The following PLXNA4 variants were observed in gnomAD, a reference collection of about 807,000 sequenced individuals.
PLXNA4 encodes plexin A4.
PLXNA4 carries 44 observed loss-of-function variants against 191.8 expected under a neutral mutation model. The observed-to-expected ratio is 0.23, with a 90% CI of 0.18 to 0.29. The LOEUF (loss-of-function observed/expected upper bound fraction) is 0.29, where lower values mean the gene tolerates loss of function less well. Ranked by LOEUF, PLXNA4 falls within the 10% of genes least tolerant of loss-of-function variation. The pLI is 1.00. For synonymous variants in PLXNA4, 1,082 were observed against 1,009.5 expected, an observed-to-expected ratio of 1.07 and a Z score of -1.36; for missense variants, 1,800 against 2,488.8, an observed-to-expected ratio of 0.72 and a Z score of 5.89.
chr7:132,165,054 C>CG, intron 23 of PLXNA4, 80 bp downstream of exon 23: 1 of 1,546,280 alleles, frequency 6.5e-7, no homozygotes, highest in African/African-American at 1.4e-5. Flanking sequence ...AGGGAGGACT[C>CG]GGGGGTGTGG....
At chr7:132,539,847 A>C (rs73158889) in intron 1 of PLXNA4, among the ~76,000 whole-genome samples, 16,131 of 152,216 alleles carry the variant, frequency 0.11, 1,166 homozygotes, top group Non-Finnish European at 0.14. Flanking sequence ...AGGCTTAGAG[A>C]GTTTTTGAAA....
chr7:132,233,099 A>T (rs1798578504), intron 5 of PLXNA4, among the ~76,000 whole-genome samples: 1 of 152,228 alleles, frequency 6.6e-6, no homozygotes. Context: ...ATTGAAAAAG[A>T]AAGGGGGTAA....
At chr7:132,341,455 A>G (rs1803025167) in intron 3 of PLXNA4, among the ~76,000 whole-genome samples, 1 of 152,250 alleles carries the variant, frequency 6.6e-6, no homozygotes, top group Non-Finnish European at 1.5e-5. Context: ...TTGCTAATAT[A>G]TAGTAAAATC....
At chr7:132,437,039 A>T (rs935582432) in intron 3 of PLXNA4, among the ~76,000 whole-genome samples, 2 of 152,204 alleles carry the variant, frequency 1.3e-5, no homozygotes, top group African/African-American at 4.8e-5. Flanking sequence ...TTGCTCAGGG[A>T]TCATGCCCAT....
chr7:132,297,830 G>A (rs1002956016), intron 4 of PLXNA4, among the ~76,000 whole-genome samples: 1 of 152,128 alleles, frequency 6.6e-6, no homozygotes, highest in Non-Finnish European at 1.5e-5. Flanking sequence ...TGTTGGCCCC[G>A]AACATATATG....
At chr7:132,377,376 C>T (rs1804698386) in intron 3 of PLXNA4, among the ~76,000 whole-genome samples, 1 of 151,344 alleles carries the variant, frequency 6.6e-6, no homozygotes. Flanking sequence ...CCCTGATAAG[C>T]CCAGAGCTTT....
chr7:132,198,924 G>A (rs1797345552), intron 12 of PLXNA4, among the ~76,000 whole-genome samples: 1 of 152,172 alleles, frequency 6.6e-6, no homozygotes, highest in East Asian at 1.9e-4. Context: ...GCTACCGGGT[G>A]ATTCGTAGAA....
rs146523355 is a variant in PLXNA4 at position 132,464,955 on chromosome 7, G to A, written c.1371+24337C>T. Reference sequence around the variant, plus strand: ...GCTAGGAGAGAGGATGCCCAGTCATGCTGGAGAAATTTCCTGGAGGCTGGC... The same window carrying A: ...GCTAGGAGAGAGGATGCCCAGTCATACTGGAGAAATTTCCTGGAGGCTGGC... On this transcript the variant is annotated intron_variant, in intron 3 of 31. Transcript: ENST00000321063. Among the ~76,000 whole-genome samples, 6 of 152,372 alleles carry A rather than the reference G, an allele frequency of 3.9e-5. No individual in the cohort carries two copies. In the East Asian group the frequency reaches 1.2e-3, roughly 29 times the overall value.
intron 3 of PLXNA4, among the ~76,000 whole-genome samples, chr7:132,486,514 C>A (rs1797563081): frequency 6.6e-6 from 1 of 152,236 alleles, no homozygotes; most frequent in African/African-American, 2.4e-5. Flanking sequence ...GGGAGCCGGG[C>A]TTGAGCAAAA....
rs377602614 is a variant in PLXNA4 at position 132,156,542 on chromosome 7, G to A, written c.4660+2931C>T. Among the ~76,000 whole-genome samples the A allele has an allele frequency of 3.0e-3, 460 of 152,338 alleles. 4 individuals are homozygous for A. Among genetic ancestry groups the A allele is most frequent in the Non-Finnish European group, 1.2e-3 (85 of 68,022 alleles). ...GCCAGGGGCTGGGCATCAGGAGAGG[G>A]AAGGCAGCCTTTGCTGGATGCTCTC... On this transcript the variant is annotated intron_variant, in intron 25 of 31. Transcript: ENST00000321063.
intron 1 of PLXNA4, among the ~76,000 whole-genome samples, chr7:132,540,785 C>A (rs1236516731): frequency 1.3e-5 from 2 of 151,350 alleles, no homozygotes; most frequent in Non-Finnish European, 2.9e-5. Flanking sequence ...GACGGTGTTT[C>A]ACCTTGTTAG....
chr7:132,252,299 G>GTTTT lies in PLXNA4; in HGVS notation c.1504-11137_1504-11134dup, dbSNP rs71178032. On this transcript the variant is annotated intron_variant, in intron 4 of 31. Transcript: ENST00000321063. The stretch of plus-strand genomic sequence containing the variant: ...TTGTTAAAATGACAGCATTCTAAAA[G>GTTTT]TTTTTTTTTTTTTTTTTTTTTTTTT... Among the ~76,000 whole-genome samples, 83 of 75,328 alleles carry GTTTT rather than the reference G, an allele frequency of 1.1e-3. 5 individuals carry two copies. The highest frequency in any genetic ancestry group is 3.8e-3 in the African/African-American group (78 of 20,676). The allele number at this position is 75,328 out of a possible 152,430, so 49.4% of individuals were successfully genotyped here. A position where few individuals can be genotyped will look rare whatever the true frequency, so the allele number is the denominator to read the frequency against.
At chr7:132,550,235 T>A (rs892005876) in intron 1 of PLXNA4, among the ~76,000 whole-genome samples, 1 of 152,176 alleles carries the variant, frequency 6.6e-6, no homozygotes, top group African/African-American at 2.4e-5. Flanking sequence ...GAGCCTGCCC[T>A]TCCTCTAGGG....
chr7:132,145,121 A>G lies in PLXNA4; in HGVS notation c.5223T>C (p.Asn1741=). ...CCCCCTGCCCTCCCTTCACTCACCA[A>G]TTGCTCTTCCAGGTATGGCGGACGT... ...DPHVRHTWKS[N]CLPLRFWVNM... is the part of the protein sequence containing the mutation. The change falls in exon 29 of 32, where the codon AAT becomes AAC. Residue 1741 remains asparagine, a splice_region_variant and synonymous_variant. Transcript: ENST00000321063. The G allele has an allele frequency of 6.2e-7, 1 of 1,614,004 alleles. No homozygotes were observed. Among genetic ancestry groups the G allele is most frequent in the Non-Finnish European group, 8.5e-7 (1 of 1,179,964 alleles).
At chr7:132,464,055 A>T (rs1796610212) in intron 3 of PLXNA4, among the ~76,000 whole-genome samples, 1 of 152,234 alleles carries the variant, frequency 6.6e-6, no homozygotes, top group Non-Finnish European at 1.5e-5. Context: ...TGGAGAGCTT[A>T]CCTCTGAATT....
At chr7:132,536,480 A>G (rs1341964443) in intron 1 of PLXNA4, among the ~76,000 whole-genome samples, 1 of 152,212 alleles carries the variant, frequency 6.6e-6, no homozygotes, top group Non-Finnish European at 1.5e-5. Context: ...TCAGTGGTGC[A>G]GAAGGAAGGA....
rs556326068 is a variant in PLXNA4, at chr7:132,165,054, C to T, written c.4353+80G>A. The T allele has an allele frequency of 2.5e-5, 38 of 1,546,282 alleles. No individual in the cohort carries two copies. In the Middle Eastern group the frequency reaches 8.7e-4, roughly 36 times the overall value. ...GAGCCAGGCCCAGTAAGGGAGGACTCGGGGGTGTGGAGCGATCCCCAGTCA... is the reference window on the plus strand; with the variant it reads ...GAGCCAGGCCCAGTAAGGGAGGACTTGGGGGTGTGGAGCGATCCCCAGTCA... On this transcript the variant is annotated intron_variant, in intron 23 of 31. Transcript: ENST00000321063.
At chr7:132,404,756 A>G (rs931227380) in intron 3 of PLXNA4, among the ~76,000 whole-genome samples, 12 of 152,330 alleles carry the variant, frequency 7.9e-5, no homozygotes, top group African/African-American at 2.6e-4. Context: ...TAATTCATGT[A>G]AAGTTCTTAG....
chr7:132,341,724 C>T (rs1450925258), intron 3 of PLXNA4, among the ~76,000 whole-genome samples: 1 of 152,182 alleles, frequency 6.6e-6, no homozygotes, highest in Non-Finnish European at 1.5e-5. Context: ...TACCCTGTCC[C>T]TTTACAGCAC....
Sources: allele counts gnomAD v4.1 joint callset (sites outside exome capture counted in the v4.1 genomes callset), GRCh38; gene constraint gnomAD v4.1.1; transcripts MANE v1.5; gene names NCBI Gene and HGNC (gene_info 2026-07-23, HGNC 2026-07-21).